The following GPAA1 variants were observed in gnomAD, a reference collection of about 807,000 sequenced individuals.
The protein encoded by GPAA1 is glycosylphosphatidylinositol anchor attachment 1.
Under a neutral mutation model 64.0 loss-of-function variants are expected in GPAA1, and 54 were observed. The observed-to-expected ratio is 0.84, with a 90% CI of 0.68 to 1.06. GPAA1 has a LOEUF of 1.06. Ranked by LOEUF, GPAA1 falls within the 50% of genes least tolerant of loss-of-function variation. The pLI, the probability that GPAA1 is intolerant of heterozygous loss-of-function variation, is 0.00. For missense variants in GPAA1, 780 were observed against 822.3 expected (o/e 0.95, Z 0.63); for synonymous variants, 393 against 377.3 (o/e 1.04, Z -0.48).
intron 6 of GPAA1, 23 bp from the exon 7 acceptor site, chr8:144,084,390 C>A: frequency 6.2e-7 from 1 of 1,610,624 alleles, no homozygotes; most frequent in Non-Finnish European, 8.5e-7. Context: ...GGGGCTGTCT[C>A]ATCCTGTCCT....
At chr8:144,084,370 G>A (rs1554764034) in intron 6 of GPAA1, 40 bp downstream of exon 6, 3 of 1,610,798 alleles carry the variant, frequency 1.9e-6, no homozygotes, top group East Asian at 2.2e-5. Context: ...AGGGCACAGG[G>A]TCTGTGGGAG....
rs567889599 is a variant in GPAA1, at chr8:144,083,197, A to C, written c.148A>C (p.Met50Leu). ...VFPPLTQRTY[M>L]SENAMGSTMV... is the part of the protein sequence containing the mutation. ...CCCGCCGCTGACCCAGCGCACTTAC[A>C]TGTCGGAGAACGCCATGGGCTCCAC... is the stretch of plus-strand genomic sequence containing the variant. Residue 50 changes from methionine (M) to leucine (L), a missense_variant, in exon 2 of 12, where the codon ATG (methionine) becomes CTG (leucine). Met to Leu is a conservative substitution (Grantham distance 15, BLOSUM62 2). Transcript: ENST00000355091. 1 of 1,612,910 alleles carries C rather than the reference A, an allele frequency of 6.2e-7. No homozygotes were observed. The highest frequency in any genetic ancestry group is 1.7e-5 in the Admixed American group (1 of 59,990).
chr8:144,083,770 C>G lies in GPAA1; in HGVS notation c.423C>G (p.Thr141=), dbSNP rs782152642. 6.2e-7 allele frequency: 1 copy of G among 1,606,694 alleles called. No individual in the cohort carries two copies. The highest frequency in any genetic ancestry group is 8.5e-7 in the Non-Finnish European group (1 of 1,179,712). The change falls in exon 4 of 12, where the codon ACC becomes ACG. Residue 141 remains threonine, a synonymous_variant. Coordinates refer to ENST00000355091, the MANE Select transcript of GPAA1 (RefSeq NM_003801.4). ...TGCGGGCCCCGCGTGCTGCCAGCACCGAGTCGCTTGTGCTCACCGTGCCCT... is the reference window on the plus strand; with the variant it reads ...TGCGGGCCCCGCGTGCTGCCAGCACGGAGTCGCTTGTGCTCACCGTGCCCT... ...GILRAPRAAS[T]ESLVLTVPCG... is the part of the protein sequence containing the mutation.
At chr8:144,083,552 G>A in intron 3 of GPAA1, 52 bp downstream of exon 3, 1 of 1,482,402 alleles carries the variant, frequency 6.7e-7, no homozygotes. Flanking sequence ...TGGAGGGAGG[G>A]GTCTGGGCTG....
chr8:144,084,327 C>A lies in GPAA1; in HGVS notation c.810C>A (p.Gly270=). Residue 270 remains glycine, a synonymous_variant, in exon 6 of 12, where the codon GGC becomes GGA. Coordinates refer to ENST00000355091, the MANE Select transcript of GPAA1 (RefSeq NM_003801.4). ...GGGGCCTGTTGTGCACGCTTCAGGGCAAGGTGGGGCTGCCTGCCTGCCTGA... is the reference window on the plus strand; with the variant it reads ...GGGGCCTGTTGTGCACGCTTCAGGGAAAGGTGGGGCTGCCTGCCTGCCTGA... The part of the protein sequence containing the change: ...QKGGLLCTLQ[G]KLQPEDWTSL... 6.2e-7 allele frequency: 1 copy of A among 1,613,178 alleles called. No individual in the cohort carries two copies. The highest frequency in any genetic ancestry group is 8.5e-7 in the Non-Finnish European group (1 of 1,179,610).
At chr8:144,084,911 C>G in intron 8 of GPAA1, 36 bp downstream of exon 8, 1 of 1,608,084 alleles carries the variant, frequency 6.2e-7, no homozygotes, top group Non-Finnish European at 8.5e-7. Context: ...CTGTGACCAG[C>G]CTCCAGTCTC....
chr8:144,082,659 GA>G lies in GPAA1; in HGVS notation c.-71del. On this transcript the variant is annotated 5_prime_UTR_variant, in exon 1 of 12. Transcript: ENST00000355091. Reference sequence around the variant, plus strand: ...GAGCGCGGGTCCCCGGGTCTGACAGGAGCAGCCTGTGGGCACCGCGGCGGTA... The same window carrying G: ...GAGCGCGGGTCCCCGGGTCTGACAGGGCAGCCTGTGGGCACCGCGGCGGTA... 1 of 1,169,522 alleles carries G rather than the reference GA, an allele frequency of 8.6e-7. No individual in the cohort carries two copies. Among genetic ancestry groups the G allele is most frequent in the Non-Finnish European group, 1.1e-6 (1 of 882,078 alleles). 72.4% of individuals were successfully genotyped at this position (1,169,522 alleles called of 1,614,324 possible).
rs1241578645 is a variant in GPAA1, at chr8:144,083,992, C to T, written c.568C>T (p.Leu190=). ...IVFLVTEHDL[L]GTEAWLEAYH... is the part of the protein sequence containing the mutation. ...CTTCCTGGTAACAGAACATGACCTTCTGGGCACTGAGGCTTGGCTTGAAGC... is the reference window on the plus strand; with the variant it reads ...CTTCCTGGTAACAGAACATGACCTTTTGGGCACTGAGGCTTGGCTTGAAGC... Residue 190 remains leucine (L), a synonymous_variant, in exon 5 of 12, where the codon CTG becomes TTG. Coordinates refer to ENST00000355091, the MANE Select transcript of GPAA1 (RefSeq NM_003801.4). 1.2e-6 allele frequency: 2 copies of T among 1,613,962 alleles called. No individual in the cohort carries two copies. The highest frequency in any genetic ancestry group is 1.3e-5 in the African/African-American group (1 of 74,926).
In GPAA1 at chr8:144,084,183, C is replaced by G. The variant is rs782016074; in HGVS notation, c.666C>G (p.Ala222=). The G allele has an allele frequency of 6.2e-7, 1 of 1,613,286 alleles. No homozygotes were observed. Among genetic ancestry groups the G allele is most frequent in the African/African-American group, 1.3e-5 (1 of 74,910 alleles). The change falls in exon 6 of 12, where the codon GCC becomes GCG. Residue 222 remains alanine, a synonymous_variant. Transcript: ENST00000355091. ...LQGRAGAIQA[A]VALELSSDVV... ...GCCGAGCTGGGGCCATTCAGGCAGC[C>G]GTGGCCCTGGAGCTGAGCAGTGATG...
Position 144,086,097 on chromosome 8 carries a change from T to G in GPAA1, c.1838T>G (p.Leu613Arg). Residue 613 changes from leucine to arginine, a missense_variant, in exon 12 of 12, where the codon CTT (leucine) becomes CGT (arginine). Physicochemically the swap from Leu to Arg is moderately radical, Grantham distance 102. Coordinates refer to ENST00000355091, the MANE Select transcript of GPAA1 (RefSeq NM_003801.4). Reference sequence around the variant, plus strand: ...CTGGGCCTCTACCCCTGCTGGCTGCTTTTCTGGAATGTGCTCTTCTGGAAG... The same window carrying G: ...CTGGGCCTCTACCCCTGCTGGCTGCGTTTCTGGAATGTGCTCTTCTGGAAG... ...LSLGLYPCWL[L>R]FWNVLFWK 2 of 1,613,534 alleles carry G rather than the reference T, an allele frequency of 1.2e-6. No individual in the cohort carries two copies. Among genetic ancestry groups the G allele is most frequent in the Non-Finnish European group, 1.7e-6 (2 of 1,179,954 alleles).
At position 144,083,929 on chromosome 8, in the gene GPAA1, T is replaced by G; in HGVS notation, c.515-10T>G. 1 of 1,613,438 alleles carries G rather than the reference T, an allele frequency of 6.2e-7. No individual in the cohort carries two copies. Among genetic ancestry groups the G allele is most frequent in the Non-Finnish European group, 8.5e-7 (1 of 1,179,560 alleles). On this transcript the variant is annotated splice_polypyrimidine_tract_variant and intron_variant, in intron 4 of 11. Coordinates refer to ENST00000355091, the MANE Select transcript of GPAA1 (RefSeq NM_003801.4). ...CCCCAGACCCTGCTGATCCTGCTTC[T>G]GGCCTCCAGGGCAGATTTATTGGGC...
At chr8:144,082,832 A>T in intron 1 of GPAA1, 28 bp downstream of exon 1, 1 of 1,371,700 alleles carries the variant, frequency 7.3e-7, no homozygotes, top group Middle Eastern at 2.6e-4. Context: ...GGAGGCGGGG[A>T]CCCGAGGGCC....
chr8:144,086,051 C>T lies in GPAA1; in HGVS notation c.1792C>T (p.Leu598=), dbSNP rs782244531. The change falls in exon 12 of 12, where the codon CTG becomes TTG. Residue 598 remains leucine, a synonymous_variant. Transcript: ENST00000355091. ...GVLEHHTYGA[L]LFPLLSLGLY... ...GCTGGAGCACCACACCTACGGCGCCCTGCTCTTCCCACTGCTGTCCCTGGG... is the reference window on the plus strand; with the variant it reads ...GCTGGAGCACCACACCTACGGCGCCTTGCTCTTCCCACTGCTGTCCCTGGG... The T allele has an allele frequency of 7.4e-6, 12 of 1,613,142 alleles. No individual in the cohort carries two copies. The highest frequency in any genetic ancestry group is 9.3e-6 in the Non-Finnish European group (11 of 1,179,940).
rs1444806436 is a variant in GPAA1, at chr8:144,082,775, C to T, written c.45C>T (p.Arg15=). The change falls in exon 1 of 12, where the codon CGC becomes CGT. Residue 15 remains arginine, a synonymous_variant. Coordinates refer to ENST00000355091, the MANE Select transcript of GPAA1 (RefSeq NM_003801.4). ...CGGTTCGCCGGCGCGCGCTCGCCCGCCTAGTGCTGCGCCTCAACGCGCCGT... is the reference window on the plus strand; with the variant it reads ...CGGTTCGCCGGCGCGCGCTCGCCCGTCTAGTGCTGCGCCTCAACGCGCCGT... The part of the protein sequence containing the change: ...SDPVRRRALA[R]LVLRLNAPLC... The T allele has an allele frequency of 1.4e-6, 2 of 1,466,888 alleles. No individual in the cohort carries two copies. The highest frequency in any genetic ancestry group is 1.3e-5 in the South Asian group (1 of 76,064). 90.9% of individuals were successfully genotyped at this position (1,466,888 alleles called of 1,614,324 possible).
At position 144,082,751 on chromosome 8, in the gene GPAA1, G is replaced by A; in HGVS notation, c.21G>A (p.Pro7=). 6.8e-7 allele frequency: 1 copy of A among 1,464,746 alleles called. No homozygotes were observed. The highest frequency in any genetic ancestry group is 9.0e-7 in the Non-Finnish European group (1 of 1,114,260). 90.7% of individuals were successfully genotyped at this position (1,464,746 alleles called of 1,614,324 possible). Residue 7 remains proline, a synonymous_variant, in exon 1 of 12, where the codon CCG becomes CCA. Coordinates refer to ENST00000355091, the MANE Select transcript of GPAA1 (RefSeq NM_003801.4). ...CCGCCATGGGCCTCCTGTCGGACCC[G>A]GTTCGCCGGCGCGCGCTCGCCCGCC... The part of the protein sequence containing the change: MGLLSD[P]VRRRALARLV...
At chr8:144,083,095 C>T in intron 1 of GPAA1, 29 bp from the exon 2 acceptor site, 1 of 1,596,180 alleles carries the variant, frequency 6.3e-7, no homozygotes, top group South Asian at 1.1e-5. Context: ...CCCGCTGACG[C>T]TCCGGTGCCC....
Position 144,086,067 on chromosome 8 carries a change from T to C in GPAA1, c.1808T>C (p.Leu603Pro). 1.2e-6 allele frequency: 2 copies of C among 1,613,574 alleles called. No individual in the cohort carries two copies. Among genetic ancestry groups the C allele is most frequent in the Non-Finnish European group, 1.7e-6 (2 of 1,179,920 alleles). The change falls in exon 12 of 12, where the codon CTG becomes CCG. Residue 603 changes from leucine (L) to proline (P), a missense_variant. Coordinates refer to ENST00000355091, the MANE Select transcript of GPAA1 (RefSeq NM_003801.4). ...HTYGALLFPL[L>P]SLGLYPCWLL... is the part of the protein sequence containing the mutation. ...TACGGCGCCCTGCTCTTCCCACTGCTGTCCCTGGGCCTCTACCCCTGCTGG... is the reference window on the plus strand; with the variant it reads ...TACGGCGCCCTGCTCTTCCCACTGCCGTCCCTGGGCCTCTACCCCTGCTGG...
Position 144,085,719 on chromosome 8 carries a change from C to T in GPAA1, c.1598C>T (p.Ala533Val), listed in dbSNP as rs200059746. The change falls in exon 11 of 12, where the codon GCG (alanine) becomes GTG (valine). Residue 533 changes from alanine (A) to valine (V), a missense_variant. Physicochemically the swap from Ala to Val is moderately conservative, Grantham distance 64. Coordinates refer to ENST00000355091, the MANE Select transcript of GPAA1 (RefSeq NM_003801.4). ...GCCACCACCATGGTGCCCACTGCTG[C>T]GCTTGCCAAGCCTCATGGGCCCCGG... ...LLATTMVPTA[A>V]LAKPHGPRTL... is the part of the protein sequence containing the mutation. 1.4e-4 allele frequency: 225 copies of T among 1,613,030 alleles called. 1 individual carries two copies. In the Middle Eastern group the frequency reaches 1.8e-3, roughly 13 times the overall value.
intron 3 of GPAA1, 75 bp downstream of exon 3, chr8:144,083,575 C>G: frequency 7.0e-7 from 1 of 1,427,840 alleles, no homozygotes; most frequent in South Asian, 1.2e-5. Context: ...TATCACCTTG[C>G]GGGGGTGTCA....
Sources: gnomAD v4.1 joint callset for allele counts on GRCh38, gnomAD v4.1.1 for gene constraint, MANE v1.5 for transcripts, NCBI Gene and HGNC (gene_info 2026-07-23, HGNC 2026-07-21) for gene names.